Variants in ECE1 observed in about 807,000 individuals in gnomAD.
ECE1 encodes the protein endothelin-converting enzyme 1.
A neutral mutation model predicts 98.6 loss-of-function variants in ECE1; 35 were observed. The observed-to-expected ratio is 0.35, with a 90% CI of 0.27 to 0.47. The LOEUF is 0.47. ECE1 is among the 20% of genes least tolerant of loss of function. The pLI, the probability that ECE1 is intolerant of heterozygous loss-of-function variation, is 1.00. For synonymous variants in ECE1, 394 were observed against 407.1 expected, an observed-to-expected ratio of 0.97 and a Z score of 0.39; for missense variants, 814 against 1,025.3, an observed-to-expected ratio of 0.79 and a Z score of 2.81.
At position 21,260,191 on chromosome 1, in the gene ECE1, C is replaced by T. The variant is rs536271893; in HGVS notation, c.615+80G>A. On this transcript the variant is annotated intron_variant, in intron 5 of 18. Transcript: ENST00000374893. The surrounding 1 kb of genome is among the most constrained non-coding windows in gnomAD (Gnocchi z 4.3). ...GGACGTATGAGGTGGGCCAGTGGTA[C>T]CAGAAGGCTGGAGTGGAAGCCAGGG... The T allele has an allele frequency of 1.2e-6, 2 of 1,604,822 alleles. No individual in the cohort carries two copies. Among genetic ancestry groups the T allele is most frequent in the East Asian group, 2.2e-5 (1 of 44,812 alleles).
intron 1 of ECE1, among the ~76,000 whole-genome samples, chr1:21,328,030 G>A (rs1380186258): frequency 1.3e-5 from 2 of 152,168 alleles, no homozygotes; most frequent in Non-Finnish European, 2.9e-5. Context: ...ATTCTCATAA[G>A]GGAAACCATT....
chr1:21,279,364 G>A, intron 2 of ECE1, 32 bp from the exon 3 acceptor site: 3 of 1,613,928 alleles, frequency 1.9e-6, no homozygotes, highest in Non-Finnish European at 2.5e-6. Flanking sequence ...GGGCGGGGAA[G>A]ACGTGAGCCC....
At chr1:21,335,377 G>C (rs3026817) in intron 1 of ECE1, among the ~76,000 whole-genome samples, 24,145 of 152,164 alleles carry the variant, frequency 0.16, 2,287 homozygotes, top group Non-Finnish European at 0.22. Context: ...TCCTCCCCTA[G>C]AGTGCAGCTC....
At chr1:21,239,349 C>T (rs1428816696) in intron 10 of ECE1, among the ~76,000 whole-genome samples, 1 of 152,198 alleles carries the variant, frequency 6.6e-6, no homozygotes, top group Non-Finnish European at 1.5e-5. Context: ...GGTGGCCCTG[C>T]TCACATAAAT....
chr1:21,331,206 G>A (rs207460054), intron 1 of ECE1, among the ~76,000 whole-genome samples: 2 of 152,048 alleles, frequency 1.3e-5, no homozygotes, highest in East Asian at 1.9e-4. Flanking sequence ...AGATCGAGAC[G>A]ACCCTGGCCA....
At chr1:21,247,199 A>T (rs1411559151) in intron 9 of ECE1, 22 bp downstream of exon 9, 31 of 1,613,918 alleles carry the variant, frequency 1.9e-5, no homozygotes, top group Non-Finnish European at 2.6e-5. Flanking sequence ...GGCGTGCCCC[A>T]GGCCACTGGG....
intron 10 of ECE1, among the ~76,000 whole-genome samples, chr1:21,242,799 T>C (rs768649344): frequency 2.6e-5 from 4 of 152,160 alleles, no homozygotes; most frequent in Non-Finnish European, 5.9e-5. Flanking sequence ...TAAAAAGTGA[T>C]GGGGTCTTGC....
At chr1:21,273,970 T>C (rs912018742) in intron 3 of ECE1, among the ~76,000 whole-genome samples, 12 of 152,324 alleles carry the variant, frequency 7.9e-5, no homozygotes, top group Admixed American at 6.5e-4. Flanking sequence ...GGCAGCAACA[T>C]GAAGCTGACT....
At chr1:21,301,416 C>A (rs192391777) in intron 1 of ECE1, among the ~76,000 whole-genome samples, 1,698 of 152,118 alleles carry the variant, frequency 0.011, 36 homozygotes, top group African/African-American at 0.039. Flanking sequence ...ATGGCGTGAA[C>A]CCCAGGGGGC....
intron 1 of ECE1, among the ~76,000 whole-genome samples, chr1:21,331,066 G>A (rs879884712): frequency 5.3e-5 from 8 of 152,114 alleles, no homozygotes; most frequent in Admixed American, 1.3e-4. Context: ...GCTTGAGCCC[G>A]AAGTTTGAGA....
In ECE1 at chr1:21,227,242, C is replaced by T; in HGVS notation, c.1782-16G>A. 1.9e-6 allele frequency: 3 copies of T among 1,613,150 alleles called. No homozygotes were observed. Among genetic ancestry groups the T allele is most frequent in the South Asian group, 2.2e-5 (2 of 91,064 alleles). On this transcript the variant is annotated splice_polypyrimidine_tract_variant and intron_variant, in intron 15 of 18. Coordinates refer to ENST00000374893, the MANE Select transcript of ECE1 (RefSeq NM_001397.3). ...GTTTAAGGCCCTGGAGGGAAAGACA[C>T]AAAGGTAGAGATGATGCTTTGAGAG... is the stretch of plus-strand genomic sequence containing the variant.
intron 2 of ECE1, chr1:21,279,796 A>C: frequency 3.1e-6 from 3 of 966,166 alleles, no homozygotes; most frequent in Non-Finnish European, 3.9e-6. Flanking sequence ...AGCTCATTAA[A>C]CCCTCATAAT....
At chr1:21,293,131 C>T (rs1237012908), upstream of ECE1, among the ~76,000 whole-genome samples, 1 of 152,192 alleles carries the variant, frequency 6.6e-6, no homozygotes, top group Non-Finnish European at 1.5e-5. Context: ...TTAAGCTTCT[C>T]ACCCTTCCCT....
At chr1:21,250,048 G>A (rs1382541732) in intron 8 of ECE1, among the ~76,000 whole-genome samples, 1 of 151,872 alleles carries the variant, frequency 6.6e-6, no homozygotes, top group African/African-American at 2.4e-5. Context: ...CAAAGTGAGG[G>A]GATTACAGGC....
At chr1:21,339,948 C>T (rs1041397390) in intron 1 of ECE1, among the ~76,000 whole-genome samples, 6 of 152,208 alleles carry the variant, frequency 3.9e-5, no homozygotes, top group African/African-American at 7.2e-5. Context: ...AGTGGGGTTC[C>T]GCCAGCACTG....
chr1:21,279,227 C>T lies in ECE1; in HGVS notation c.244G>A (p.Ala82Thr). ...TGGATGCCCAGTGCTGCCAAGCAGG[C>T]CACCAGTCCTGCCGCCAGAAGTACC... ...LVVLLAAGLV[A>T]CLAALGIQYQ... The change falls in exon 3 of 19, where the codon GCC (alanine) becomes ACC (threonine). Residue 82 changes from alanine (A) to threonine (T), a missense_variant. Ala to Thr is a moderately conservative substitution (Grantham distance 58). Coordinates refer to ENST00000374893, the MANE Select transcript of ECE1 (RefSeq NM_001397.3). The T allele has an allele frequency of 2.5e-6, 4 of 1,614,194 alleles. No homozygotes were observed. The highest frequency in any genetic ancestry group is 3.4e-6 in the Non-Finnish European group (4 of 1,180,040).
At chr1:21,306,768 G>T (rs1169663755) in intron 1 of ECE1, among the ~76,000 whole-genome samples, 1 of 152,166 alleles carries the variant, frequency 6.6e-6, no homozygotes, top group East Asian at 1.9e-4. Flanking sequence ...GTACAGTGAT[G>T]GCCTCACTGC....
intron 1 of ECE1, among the ~76,000 whole-genome samples, chr1:21,342,471 T>C (rs1004853440): frequency 6.6e-6 from 1 of 152,046 alleles, no homozygotes; most frequent in African/African-American, 2.4e-5. Flanking sequence ...GGGGAGACGG[T>C]CCATCCGAGG....
chr1:21,321,399 A>G (rs559804291), intron 1 of ECE1, among the ~76,000 whole-genome samples: 1 of 152,328 alleles, frequency 6.6e-6, no homozygotes, highest in South Asian at 2.1e-4. Flanking sequence ...TGGGAGGAGC[A>G]GCCCTGGGGC....
Sources: gnomAD v4.1 joint callset for allele counts (sites outside exome capture counted in the v4.1 genomes callset) on GRCh38, gnomAD v4.1.1 for gene constraint, Gnocchi (gnomAD v3.1) non-coding constraint, MANE v1.5 for transcripts, NCBI Gene and HGNC (gene_info 2026-07-23, HGNC 2026-07-21) for gene names.